CTSA: variants seen among roughly 807,000 people sequenced by gnomAD.
The protein encoded by CTSA is cathepsin A.
A neutral mutation model predicts 66.7 loss-of-function variants in CTSA; 42 were observed. The ratio of observed to expected loss-of-function variants is 0.63; its 90% CI spans 0.49 to 0.81. The LOEUF is 0.81. CTSA is among the 40% of genes least tolerant of loss of function. The pLI is 0.00. For synonymous variants in CTSA, 225 were observed against 248.6 expected (o/e 0.91, Z 0.89); for missense variants, 525 against 610.9 (o/e 0.86, Z 1.48).
intron 9 of CTSA, 21 bp downstream of exon 9, chr20:45,894,762 C>T: frequency 6.2e-7 from 1 of 1,613,036 alleles, no homozygotes; most frequent in Non-Finnish European, 8.5e-7. Flanking sequence ...CTGGGTGCCC[C>T]TGGAGCCAAC....
At position 45,895,077 on chromosome 20, in the gene CTSA, G is replaced by C; in HGVS notation, c.1032G>C (p.Pro344=). Residue 344 remains proline (P), a synonymous_variant, in exon 11 of 15, where the codon CCG becomes CCC. Coordinates refer to ENST00000646241, the MANE Select transcript of CTSA (RefSeq NM_000308.4). ...TTAASTYLNN[P]YVRKALNIPE... ...CTGCTTCCACCTACCTCAACAACCC[G>C]TACGTGCGGAAGGCCCTCAACATCC... The C allele has an allele frequency of 6.2e-7, 1 of 1,614,158 alleles. No individual in the cohort carries two copies. Among genetic ancestry groups the C allele is most frequent in the South Asian group, 1.1e-5 (1 of 91,090 alleles).
intron 6 of CTSA, 58 bp downstream of exon 6, chr20:45,892,938 G>A: frequency 6.3e-7 from 1 of 1,594,264 alleles, no homozygotes; most frequent in South Asian, 1.1e-5. Flanking sequence ...CTTACAGTTA[G>A]CAAGGTCAGA....
At position 45,892,748 on chromosome 20, in the gene CTSA, C is replaced by T. The variant is rs190565374; in HGVS notation, c.468C>T (p.Ala156=). Residue 156 remains alanine, a synonymous_variant, in exon 6 of 15, where the codon GCC becomes GCT. Transcript: ENST00000646241. ...DTEVAQSNFE[A]LQDFFRLFPE... is the part of the protein sequence containing the mutation. ...AGGTCGCCCAGAGCAATTTTGAGGC[C>T]CTTCAAGATTTCTTCCGCCTCTTTC... 8.3e-5 allele frequency: 134 copies of T among 1,614,198 alleles called. No homozygotes were observed. In the East Asian group the frequency reaches 2.7e-3, roughly 33 times the overall value.
chr20:45,891,526 G>A lies in CTSA; in HGVS notation c.1-43G>A. ...ACTCCCCGGGGGCTGCTGCACGGAA[G>A]CGCTGAGGAGCGAGTCAACAGCCCC... On this transcript the variant is annotated intron_variant, in intron 1 of 14. Coordinates refer to ENST00000646241, the MANE Select transcript of CTSA (RefSeq NM_000308.4). This position sits in a 1 kb window ranked among gnomAD's most constrained non-coding sequence, Gnocchi z 4.6. The A allele has an allele frequency of 6.4e-7, 1 of 1,570,170 alleles. No individual in the cohort carries two copies. The highest frequency in any genetic ancestry group is 1.1e-5 in the South Asian group (1 of 88,206).
rs1196624419 is a variant in CTSA, at chr20:45,898,519, TCTAAG to T, written c.*71_*75del. On this transcript the variant is annotated 3_prime_UTR_variant, in exon 15 of 15. Coordinates refer to ENST00000646241, the MANE Select transcript of CTSA (RefSeq NM_000308.4). The surrounding 1 kb of genome is among the most constrained non-coding windows in gnomAD (Gnocchi z 4.6). ...GCCTCTCCCGCTAGGAGAGTCCTCT[TCTAAG>T]CAAAGTGCCCCTGCAGGCCGGGTTC... The T allele has an allele frequency of 6.7e-7, 1 of 1,486,544 alleles. No individual in the cohort carries two copies. The highest frequency in any genetic ancestry group is 1.7e-5 in the Admixed American group (1 of 57,472). 92.1% of individuals were successfully genotyped at this position (1,486,544 alleles called of 1,614,324 possible). A position where few individuals can be genotyped will look rare whatever the true frequency, so the allele number is the denominator to read the frequency against.
In CTSA at chr20:45,898,235, T is replaced by G; in HGVS notation, c.1359+126T>G. 1 of 1,343,886 alleles carries G rather than the reference T, an allele frequency of 7.4e-7. No individual in the cohort carries two copies. The highest frequency in any genetic ancestry group is 1.0e-6 in the Non-Finnish European group (1 of 954,328). The allele number at this position is 1,343,886 out of a possible 1,614,324, so 83.2% of individuals were successfully genotyped here. Reference sequence around the variant, plus strand: ...ACCATCTGGCCCCTGTATGGGCAAGTTTTTTTGGAGAGGGGTGGGGAGGGT... The same window carrying G: ...ACCATCTGGCCCCTGTATGGGCAAGGTTTTTTGGAGAGGGGTGGGGAGGGT... On this transcript the variant is annotated intron_variant, in intron 14 of 14. Coordinates refer to ENST00000646241, the MANE Select transcript of CTSA (RefSeq NM_000308.4). The surrounding 1 kb of genome is among the most constrained non-coding windows in gnomAD (Gnocchi z 4.6).
In CTSA at chr20:45,898,417, G is replaced by C; in HGVS notation, c.1410G>C (p.Met470Ile). 1 of 1,613,974 alleles carries C rather than the reference G, an allele frequency of 6.2e-7. No individual in the cohort carries two copies. Among genetic ancestry groups the C allele is most frequent in the Non-Finnish European group, 8.5e-7 (1 of 1,179,970 alleles). ...ACAAGCCCCTCGCTGCCTTCACCAT[G>C]TTCTCCCGCTTCCTGAACAAGCAGC... ...PTDKPLAAFT[M>I]FSRFLNKQPY The change falls in exon 15 of 15, where the codon ATG becomes ATC. Residue 470 changes from methionine (M) to isoleucine (I), a missense_variant. Met to Ile is a conservative substitution (Grantham distance 10). Coordinates refer to ENST00000646241, the MANE Select transcript of CTSA (RefSeq NM_000308.4). This position sits in a 1 kb window ranked among gnomAD's most constrained non-coding sequence, Gnocchi z 4.6.
intron 11 of CTSA, 22 bp downstream of exon 11, chr20:45,895,155 T>C (rs1437729858): frequency 6.2e-7 from 1 of 1,614,006 alleles, no homozygotes; most frequent in Non-Finnish European, 8.5e-7. Flanking sequence ...TGGCCACCTG[T>C]GACTTGGGGT....
rs752751859 is a variant in CTSA, at chr20:45,893,342, G to A, written c.692+31G>A. ...GGATAGGGCAGTTGGGCAATCTCTG[G>A]GGTGAGGCAGGTCACATGATCTCAG... On this transcript the variant is annotated intron_variant, in intron 7 of 14. Transcript: ENST00000646241. 1.4e-5 allele frequency: 21 copies of A among 1,513,934 alleles called. No individual in the cohort carries two copies. In the East Asian group the frequency reaches 4.7e-4, roughly 34 times the overall value. The allele number at this position is 1,513,934 out of a possible 1,614,324, so 93.8% of individuals were successfully genotyped here.
chr20:45,896,695 C>T, intron 11 of CTSA: 2 of 461,496 alleles, frequency 4.3e-6, no homozygotes, highest in South Asian at 4.1e-5. Context: ...CCTCGGTCTC[C>T]CAAAGTGCTA....
At chr20:45,893,095 C>T (rs975198110) in intron 6 of CTSA, 125 bp from the exon 7 acceptor site, 1 of 962,724 alleles carries the variant, frequency 1.0e-6, no homozygotes, top group Non-Finnish European at 1.6e-6. Flanking sequence ...GCCTCTCATA[C>T]CCACCGGCCT....
At position 45,894,076 on chromosome 20, in the gene CTSA, A is replaced by G. The variant is rs756188623; in HGVS notation, c.777+4A>G. On this transcript the variant is annotated splice_donor_region_variant and intron_variant, in intron 8 of 14. Coordinates refer to ENST00000646241, the MANE Select transcript of CTSA (RefSeq NM_000308.4). Reference sequence around the variant, plus strand: ...AGACCTGGAATGCGTGACCAATGTGAGGTTCTGCCATCACTTTGCATGAGC... The same window carrying G: ...AGACCTGGAATGCGTGACCAATGTGGGGTTCTGCCATCACTTTGCATGAGC... 4 of 1,595,016 alleles carry G rather than the reference A, an allele frequency of 2.5e-6. No individual in the cohort carries two copies. The East Asian group carries it at 6.7e-5, about 27-fold the overall frequency.
intron 8 of CTSA, chr20:45,894,395 A>C (rs1350153729): frequency 3.3e-6 from 2 of 613,902 alleles, no homozygotes; most frequent in African/African-American, 3.7e-5. Flanking sequence ...CATACTACCC[A>C]CATTTTCCAG....
chr20:45,891,390 A>G lies in CTSA; in HGVS notation c.-1+11A>G. ...CGCGGGGGAGCAGAGGTGAGCTGGCACCGGAGGCTGGAGGGGATCCCCGAG... is the reference window on the plus strand; with the variant it reads ...CGCGGGGGAGCAGAGGTGAGCTGGCGCCGGAGGCTGGAGGGGATCCCCGAG... On this transcript the variant is annotated intron_variant, in intron 1 of 14. Transcript: ENST00000646241. The surrounding 1 kb of genome is among the most constrained non-coding windows in gnomAD (Gnocchi z 4.6). 6.4e-7 allele frequency: 1 copy of G among 1,567,716 alleles called. No homozygotes were observed.
chr20:45,898,328 G>T lies in CTSA; in HGVS notation c.1360-39G>T. 1 of 1,561,216 alleles carries T rather than the reference G, an allele frequency of 6.4e-7. No homozygotes were observed. The highest frequency in any genetic ancestry group is 1.4e-5 in the African/African-American group (1 of 73,912). ...AGTGAGCAGTTATATGGGGAGGAGG[G>T]AATGGTGGGGTCAGGAGCTCACGAA... On this transcript the variant is annotated intron_variant, in intron 14 of 14. Coordinates refer to ENST00000646241, the MANE Select transcript of CTSA (RefSeq NM_000308.4). This position sits in a 1 kb window ranked among gnomAD's most constrained non-coding sequence, Gnocchi z 4.6.
At position 45,891,821 on chromosome 20, in the gene CTSA, G is replaced by T. The variant is rs1264316977; in HGVS notation, c.194+59G>T. On this transcript the variant is annotated intron_variant, in intron 2 of 14. Coordinates refer to ENST00000646241, the MANE Select transcript of CTSA (RefSeq NM_000308.4). The surrounding 1 kb of genome is among the most constrained non-coding windows in gnomAD (Gnocchi z 4.6). ...GAAGAGATGACGGATGAGGGATGGG[G>T]GGTAGTTCTGCAGACCCCTGAGGAT... is the stretch of plus-strand genomic sequence containing the variant. 6.2e-7 allele frequency: 1 copy of T among 1,612,058 alleles called. No individual in the cohort carries two copies. Among genetic ancestry groups the T allele is most frequent in the Non-Finnish European group, 8.5e-7 (1 of 1,178,350 alleles).
At chr20:45,897,617 C>A (rs2083124626) in intron 12 of CTSA, 100 bp from the exon 13 acceptor site, 4 of 779,928 alleles carry the variant, frequency 5.1e-6, no homozygotes, top group Non-Finnish European at 7.0e-6. Context: ...TGTTATCTAG[C>A]TTGGCCCCTT....
chr20:45,895,167 G>A (rs1298484312), intron 11 of CTSA, 34 bp downstream of exon 11: 5 of 1,613,880 alleles, frequency 3.1e-6, no homozygotes, highest in Non-Finnish European at 4.2e-6. Flanking sequence ...ACTTGGGGTG[G>A]TGGGTTGCTG....
chr20:45,893,103 C>A, intron 6 of CTSA, 117 bp from the exon 7 acceptor site: 1 of 991,910 alleles, frequency 1.0e-6, no homozygotes, highest in Non-Finnish European at 1.6e-6. Flanking sequence ...TACCCACCGG[C>A]CTACATAAAC....
Sources: gnomAD v4.1 joint callset for allele counts on GRCh38, gnomAD v4.1.1 for gene constraint, Gnocchi (gnomAD v3.1) non-coding constraint, MANE v1.5 for transcripts, NCBI Gene and HGNC (gene_info 2026-07-23, HGNC 2026-07-21) for gene names.